The following OTOGL variants were observed in gnomAD, a reference collection of about 807,000 sequenced individuals.
OTOGL encodes the protein otogelin like.
A neutral mutation model predicts 318.5 loss-of-function variants in OTOGL; 285 were observed. The ratio of observed to expected loss-of-function variants is 0.89; its 90% CI spans 0.81 to 0.99. The LOEUF (loss-of-function observed/expected upper bound fraction) is 0.99. Ranked by LOEUF, OTOGL falls within the 50% of genes least tolerant of loss-of-function variation. OTOGL has a pLI of 0.00. For missense variants in OTOGL, 2,899 were observed against 2,845.6 expected, an observed-to-expected ratio of 1.02 and a Z score of -0.43; for synonymous variants, 987 against 936.5, an observed-to-expected ratio of 1.05 and a Z score of -0.99.
At chr12:80,118,298 CT>C (rs1271832587) in intron 1 of OTOGL, among the ~76,000 whole-genome samples, 8 of 152,302 alleles carry the variant, frequency 5.3e-5, no homozygotes, top group African/African-American at 1.9e-4. Context: ...ATGGAAAGGT[CT>C]TTCTCTGCTG....
chr12:80,182,624 C>A (rs1875006147), intron 1 of OTOGL, among the ~76,000 whole-genome samples: 1 of 152,122 alleles, frequency 6.6e-6, no homozygotes, highest in South Asian at 2.1e-4. Flanking sequence ...AAGAAAGAAA[C>A]ACTTGTGCTG....
At chr12:80,125,035 T>C (rs1351813878) in intron 1 of OTOGL, among the ~76,000 whole-genome samples, 2 of 152,306 alleles carry the variant, frequency 1.3e-5, no homozygotes, top group East Asian at 1.9e-4. Flanking sequence ...TTTATTCCCT[T>C]CTCCTGCCTA....
rs1305683367 is a variant in OTOGL at position 80,341,944 on chromosome 12, C to A, written c.5051-4C>A. 6.3e-7 allele frequency: 1 copy of A among 1,587,508 alleles called. No individual in the cohort carries two copies. Among genetic ancestry groups the A allele is most frequent in the Non-Finnish European group, 8.6e-7 (1 of 1,162,268 alleles). On this transcript the variant is annotated splice_region_variant and splice_polypyrimidine_tract_variant and intron_variant, in intron 43 of 58. Coordinates refer to ENST00000547103, the MANE Select transcript of OTOGL (RefSeq NM_001378609.3). ...TTCTTCTAACTGTCATATATTCTTT[C>A]AAGGAATTTGCAATGAAGATCCGGA... is the stretch of plus-strand genomic sequence containing the variant.
intron 1 of OTOGL, among the ~76,000 whole-genome samples, chr12:80,114,390 A>G (rs914995035): frequency 1.3e-5 from 2 of 152,202 alleles, no homozygotes; most frequent in African/African-American, 4.8e-5. Flanking sequence ...TTGGCTGGAT[A>G]TGAAATTCTG....
chr12:80,301,238 A>G (rs1885739729), intron 27 of OTOGL, among the ~76,000 whole-genome samples: 1 of 152,170 alleles, frequency 6.6e-6, no homozygotes, highest in South Asian at 2.1e-4. Flanking sequence ...AAGTTATTAT[A>G]TGAGTTAATT....
chr12:80,257,726 C>G, intron 17 of OTOGL, 99 bp from the exon 18 acceptor site: 3 of 1,162,812 alleles, frequency 2.6e-6, no homozygotes, highest in Non-Finnish European at 3.5e-6. Flanking sequence ...CTCCTCCTTC[C>G]CTGGTATCTG....
chr12:80,264,972 A>G, intron 19 of OTOGL, 29 bp from the exon 20 acceptor site: 2 of 1,605,684 alleles, frequency 1.2e-6, no homozygotes, highest in Middle Eastern at 3.3e-4. Context: ...TGAACTGTTA[A>G]ATAAGATGCT....
chr12:80,292,901 G>A (rs1488202446), intron 26 of OTOGL, among the ~76,000 whole-genome samples: 1 of 152,148 alleles, frequency 6.6e-6, no homozygotes, highest in African/African-American at 2.4e-5. Flanking sequence ...CAACGAAGAT[G>A]AATATGTCTG....
chr12:80,367,580 A>G lies in OTOGL; in HGVS notation c.6351A>G (p.Val2117=). 2 of 1,535,012 alleles carry G rather than the reference A, an allele frequency of 1.3e-6. No individual in the cohort carries two copies. Among genetic ancestry groups the G allele is most frequent in the South Asian group, 1.2e-5 (1 of 83,284 alleles). Residue 2117 remains valine, a synonymous_variant, in exon 54 of 59, where the codon GTA becomes GTG. Coordinates refer to ENST00000547103, the MANE Select transcript of OTOGL (RefSeq NM_001378609.3). ...QYLCEKDDVC[V]FQEVSVLNPG... ...TCTTAGAAAAGGATGATGTGTGTGT[A>G]TTTCAAGAAGTATCAGTATTGAATC... is the stretch of plus-strand genomic sequence containing the variant.
intron 4 of OTOGL, among the ~76,000 whole-genome samples, chr12:80,214,458 G>A (rs1877529149): frequency 6.6e-6 from 1 of 152,084 alleles, no homozygotes; most frequent in Non-Finnish European, 1.5e-5. Flanking sequence ...TTTTCTGCTT[G>A]GACTCTGCCC....
chr12:80,358,096 GT>G (rs2138033560), intron 49 of OTOGL, among the ~76,000 whole-genome samples, 151 bp from the exon 50 acceptor site: 1 of 152,174 alleles, frequency 6.6e-6, no homozygotes, highest in South Asian at 2.1e-4. Context: ...CAGTATTATT[GT>G]TTTTATGGCC....
intron 11 of OTOGL, among the ~76,000 whole-genome samples, chr12:80,250,693 A>T (rs1881464691): frequency 6.6e-6 from 1 of 152,346 alleles, no homozygotes; most frequent in Non-Finnish European, 1.5e-5. Context: ...GTAGCACAGG[A>T]TAAGGGCAAT....
Position 80,243,930 on chromosome 12 carries a change from G to A in OTOGL, c.1052+4491G>A, listed in dbSNP as rs540994496. Among the ~76,000 whole-genome samples, 38 of 149,422 alleles carry A rather than the reference G, an allele frequency of 2.5e-4. No homozygotes were observed. In the South Asian group the frequency reaches 6.8e-3, roughly 27 times the overall value. On this transcript the variant is annotated intron_variant, in intron 11 of 58. Transcript: ENST00000547103. ...GATCCTCCTTCTCTGAGATGGAGCC[G>A]GTTTACATTTCCTTTAGTCTAAAGG... is the stretch of plus-strand genomic sequence containing the variant.
At chr12:80,109,327 G>A (rs553420257) in intron 1 of OTOGL, among the ~76,000 whole-genome samples, 22 of 152,220 alleles carry the variant, frequency 1.4e-4, no homozygotes, top group African/African-American at 5.1e-4. Flanking sequence ...ACAACACAGG[G>A]TTCTTTCTCT....
chr12:80,176,192 C>A (rs1233069979), intron 1 of OTOGL, among the ~76,000 whole-genome samples: 2 of 152,164 alleles, frequency 1.3e-5, no homozygotes, highest in Non-Finnish European at 2.9e-5. Context: ...ATGTCCATTT[C>A]ACGTATATGA....
chr12:80,353,374 T>G lies in OTOGL; in HGVS notation c.5457T>G (p.Cys1819Trp). ...AATATCAACCCTGTGTGCGACCTTG[T>G]GAAGCAAGAACATGCCTGAACCAAT... ...GKEYQPCVRPCEARTCLNQWF... is the reference protein window; with the variant it reads ...GKEYQPCVRPWEARTCLNQWF... The change falls in exon 46 of 59, where the codon TGT (cysteine) becomes TGG (tryptophan). Residue 1819 changes from cysteine to tryptophan, a missense_variant. By Grantham distance (215) the Cys-to-Trp change is radical (BLOSUM62 -2). Coordinates refer to ENST00000547103, the MANE Select transcript of OTOGL (RefSeq NM_001378609.3). The G allele has an allele frequency of 6.2e-7, 1 of 1,601,540 alleles. No homozygotes were observed. Among genetic ancestry groups the G allele is most frequent in the Non-Finnish European group, 8.5e-7 (1 of 1,173,712 alleles).
intron 1 of OTOGL, chr12:80,103,248 A>G (rs1869249123): frequency 1.2e-5 from 18 of 1,492,680 alleles, no homozygotes; most frequent in Non-Finnish European, 1.7e-5. Flanking sequence ...GGAAGACATA[A>G]TCTTCCTTCG....
intron 52 of OTOGL, among the ~76,000 whole-genome samples, chr12:80,364,487 T>G (rs1303781397): frequency 6.6e-6 from 1 of 152,142 alleles, no homozygotes; most frequent in Non-Finnish European, 1.5e-5. Context: ...TTCACTGAGT[T>G]GCACAACCAT....
intron 1 of OTOGL, among the ~76,000 whole-genome samples, chr12:80,124,740 A>T (rs1870704987): frequency 6.6e-6 from 1 of 151,954 alleles, no homozygotes; most frequent in African/African-American, 2.4e-5. Flanking sequence ...GTTCTCCTTG[A>T]AGAGGTCCTT....
Sources: allele counts gnomAD v4.1 joint callset (sites outside exome capture counted in the v4.1 genomes callset), GRCh38; gene constraint gnomAD v4.1.1; transcripts MANE v1.5; gene names NCBI Gene and HGNC (gene_info 2026-07-23, HGNC 2026-07-21).